The following HSPB8 variants were observed in gnomAD, a reference collection of about 807,000 sequenced individuals.
The protein encoded by HSPB8 is heat shock protein family B (small) member 8.
HSPB8 carries 9 observed loss-of-function variants against 16.5 expected under a neutral mutation model. That is an observed-to-expected ratio of 0.55 (90% CI 0.33 to 0.95). The LOEUF is 0.95. Among genes scored for constraint, HSPB8 ranks in the 40% least tolerant of loss-of-function variants. The probability of loss-of-function intolerance (pLI) is 0.03; values close to 1 mark genes in which losing one functional copy is unlikely to be tolerated. For synonymous variants in HSPB8, 99 were observed against 94.8 expected (o/e 1.04, Z -0.26); for missense variants, 238 against 251.2 (o/e 0.95, Z 0.35).
chr12:119,188,153 C>T lies in HSPB8; in HGVS notation c.431+1065C>T, dbSNP rs1195271202. On this transcript the variant is annotated intron_variant, in intron 2 of 2. Coordinates refer to ENST00000281938, the MANE Select transcript of HSPB8 (RefSeq NM_014365.3). ...ACGATGGCTGCACTTAAACAACTGC[C>T]AGGTGCTTCATACATACCTTCTCCC... Among the ~76,000 whole-genome samples the T allele has an allele frequency of 2.0e-5, 3 of 152,010 alleles. No individual in the cohort carries two copies. In the East Asian group the frequency reaches 5.8e-4, roughly 29 times the overall value.
At chr12:119,181,619 T>A (rs981099300) in intron 1 of HSPB8, among the ~76,000 whole-genome samples, 13 of 152,184 alleles carry the variant, frequency 8.5e-5, no homozygotes, top group African/African-American at 3.1e-4. Context: ...GGAATTAGTA[T>A]TATTATTGTC....
intron 1 of HSPB8, among the ~76,000 whole-genome samples, chr12:119,186,640 TG>T: frequency 6.6e-6 from 1 of 152,310 alleles, no homozygotes; most frequent in South Asian, 2.1e-4. Context: ...CAGTCTGGGA[TG>T]TCAGACCCAG....
chr12:119,189,022 ACAGCCTCTG>A, intron 2 of HSPB8, among the ~76,000 whole-genome samples: 1 of 152,268 alleles, frequency 6.6e-6, no homozygotes, highest in South Asian at 2.1e-4. Flanking sequence ...TGGCCCTCCC[ACAGCCTCTG>A]CAGTTCTTGG....
At chr12:119,180,205 C>A (rs1240164383) in intron 1 of HSPB8, among the ~76,000 whole-genome samples, 1 of 152,200 alleles carries the variant, frequency 6.6e-6, no homozygotes, top group Non-Finnish European at 1.5e-5. Context: ...GCTAACTATT[C>A]GCTCAGCACT....
At chr12:119,179,751 GAA>G (rs1159186038) in intron 1 of HSPB8, 72 bp downstream of exon 1, 1 of 1,514,084 alleles carries the variant, frequency 6.6e-7, no homozygotes, top group Non-Finnish European at 8.8e-7. Context: ...AATAGCCAGA[GAA>G]AGTTTCCTGG....
At chr12:119,190,065 C>T (rs1954703091) in intron 2 of HSPB8, among the ~76,000 whole-genome samples, 1 of 152,172 alleles carries the variant, frequency 6.6e-6, no homozygotes, top group Non-Finnish European at 1.5e-5. Context: ...CTTCCATTCC[C>T]ACATCCCTGC....
rs879254194 is a variant in HSPB8 at position 119,187,069 on chromosome 12, A to G, written c.412A>G (p.Asn138Asp). 4.3e-6 allele frequency: 7 copies of G among 1,614,118 alleles called. No homozygotes were observed. Among genetic ancestry groups the G allele is most frequent in the Non-Finnish European group, 5.9e-6 (7 of 1,179,986 alleles). ...GCAAGAAGGTGGCATTGTTTCTAAG[A>G]ACTTCACAAAGAAAATCCAGTAAGT... Reference protein sequence around the residue: ...KQQEGGIVSKNFTKKIQLPAE... With the variant: ...KQQEGGIVSKDFTKKIQLPAE... Residue 138 changes from asparagine (N) to aspartate (D), a missense_variant, in exon 2 of 3, where the codon AAC (asparagine) becomes GAC (aspartate). Physicochemically the swap from Asn to Asp is conservative, Grantham distance 23. Transcript: ENST00000281938.
chr12:119,186,857 G>T (rs895558570), intron 1 of HSPB8, 168 bp from the exon 2 acceptor site: 1 of 689,868 alleles, frequency 1.4e-6, no homozygotes, highest in Non-Finnish European at 2.6e-6. Flanking sequence ...ACTTAGGTGG[G>T]TCTGTATGGC....
At chr12:119,193,354 T>G (rs950302450) in intron 2 of HSPB8, among the ~76,000 whole-genome samples, 41 of 152,238 alleles carry the variant, frequency 2.7e-4, no homozygotes, top group African/African-American at 9.2e-4. Context: ...AGGTGATGAC[T>G]TCAACCTGGG....
intron 2 of HSPB8, among the ~76,000 whole-genome samples, chr12:119,191,813 T>C (rs1191686760): frequency 1.3e-5 from 2 of 152,198 alleles, no homozygotes; most frequent in East Asian, 3.9e-4. Flanking sequence ...GAGAGCATCA[T>C]GGTCAGATAC....
chr12:119,193,152 C>G (rs1373286089), intron 2 of HSPB8, among the ~76,000 whole-genome samples: 1 of 152,200 alleles, frequency 6.6e-6, no homozygotes, highest in African/African-American at 2.4e-5. Context: ...ATGTGGCCAG[C>G]TTGGCCCCTT....
Position 119,179,243 on chromosome 12 carries a change from T to G in HSPB8, c.-70T>G. 1 of 1,486,690 alleles carries G rather than the reference T, an allele frequency of 6.7e-7. No individual in the cohort carries two copies. The highest frequency in any genetic ancestry group is 9.3e-7 in the Non-Finnish European group (1 of 1,069,782). The allele number at this position is 1,486,690 out of a possible 1,614,324, so 92.1% of individuals were successfully genotyped here. On this transcript the variant is annotated 5_prime_UTR_variant, in exon 1 of 3. Coordinates refer to ENST00000281938, the MANE Select transcript of HSPB8 (RefSeq NM_014365.3). ...ATAAGCTAGCCCAGCCACACCACCT[T>G]GTTGTGTGACCTTGGGCAGGTGGTT...
rs1487554004 is a variant in HSPB8 at position 119,179,667 on chromosome 12, G to A, written c.355G>A (p.Val119Met). 2 of 1,581,914 alleles carry A rather than the reference G, an allele frequency of 1.3e-6. No homozygotes were observed. The highest frequency in any genetic ancestry group is 1.4e-5 in the African/African-American group (1 of 74,026). ...GATGGTGAAGACCAAAGATGGATAC[G>A]TGGAGGTGTCTGGTAAGTCAGGGGC... ...ELMVKTKDGY[V>M]EVSGKHEEKQ... Residue 119 changes from valine to methionine, a missense_variant, in exon 1 of 3, where the codon GTG (valine) becomes ATG (methionine). Transcript: ENST00000281938.
At chr12:119,182,716 T>C (rs2136081805) in intron 1 of HSPB8, among the ~76,000 whole-genome samples, 1 of 152,284 alleles carries the variant, frequency 6.6e-6, no homozygotes, top group Non-Finnish European at 1.5e-5. Flanking sequence ...TCCCACCCTA[T>C]ACCACAAAAT....
At position 119,191,150 on chromosome 12, in the gene HSPB8, C is replaced by T. The variant is rs149826545; in HGVS notation, c.432-2549C>T. Reference sequence around the variant, plus strand: ...CAACATGTAAGGTCAAAGACTGCAACGTAATTCTCACTCCACCCTAAGAGG... The same window carrying T: ...CAACATGTAAGGTCAAAGACTGCAATGTAATTCTCACTCCACCCTAAGAGG... On this transcript the variant is annotated intron_variant, in intron 2 of 2. Coordinates refer to ENST00000281938, the MANE Select transcript of HSPB8 (RefSeq NM_014365.3). 4.4e-3 allele frequency among the ~76,000 whole-genome samples: 677 copies of T among 152,288 alleles called. 3 individuals carry two copies. The highest frequency in any genetic ancestry group is 7.4e-3 in the Non-Finnish European group (504 of 68,034).
At chr12:119,187,227 C>T (rs1954682414) in intron 2 of HSPB8, 139 bp downstream of exon 2, 1 of 718,328 alleles carries the variant, frequency 1.4e-6, no homozygotes, top group African/African-American at 1.7e-5. Context: ...ACCCTCACAC[C>T]TAACGAGGAG....
At chr12:119,187,161 G>A in intron 2 of HSPB8, 73 bp downstream of exon 2, 1 of 1,231,334 alleles carries the variant, frequency 8.1e-7, no homozygotes, top group East Asian at 2.3e-5. Context: ...ATGATCTGGG[G>A]TCTCTCCCTC....
At chr12:119,181,482 C>T (rs1403266852) in intron 1 of HSPB8, among the ~76,000 whole-genome samples, 1 of 152,156 alleles carries the variant, frequency 6.6e-6, no homozygotes, top group Non-Finnish European at 1.5e-5. Flanking sequence ...GAGCAGAGGG[C>T]TGCCTTTGAA....
At chr12:119,183,808 C>T (rs199588051) in intron 1 of HSPB8, among the ~76,000 whole-genome samples, 1 of 152,090 alleles carries the variant, frequency 6.6e-6, no homozygotes. Context: ...TGGAGCTTTC[C>T]CTGCTCAGAG....
Sources: allele counts gnomAD v4.1 joint callset (sites outside exome capture counted in the v4.1 genomes callset), GRCh38; gene constraint gnomAD v4.1.1; transcripts MANE v1.5; gene names NCBI Gene and HGNC (gene_info 2026-07-23, HGNC 2026-07-21).